The following GRIK1 variants were observed in gnomAD, a reference collection of about 807,000 sequenced individuals.
GRIK1 encodes glutamate receptor ionotropic, kainate 1.
A neutral mutation model predicts 105.7 loss-of-function variants in GRIK1; 69 were observed. The observed-to-expected ratio is 0.65, with a 90% CI of 0.54 to 0.80. GRIK1 has a LOEUF of 0.80. Ranked by LOEUF, GRIK1 falls within the 30% of genes least tolerant of loss-of-function variation. GRIK1 has a pLI of 0.00. For missense variants in GRIK1, 1,109 were observed against 1,167.3 expected (o/e 0.95, Z 0.73); for synonymous variants, 438 against 431.3 (o/e 1.02, Z -0.19).
intron 7 of GRIK1, among the ~76,000 whole-genome samples, chr21:29,601,024 G>T (rs75817045): frequency 0.031 from 4,666 of 152,278 alleles, 83 homozygotes; most frequent in East Asian, 0.09. Flanking sequence ...AACTTGCCTA[G>T]GCCACACGAT....
At chr21:29,538,074 C>T (rs1018302782) in intron 16 of GRIK1, among the ~76,000 whole-genome samples, 190 bp from the exon 17 acceptor site, 1 of 152,116 alleles carries the variant, frequency 6.6e-6, no homozygotes, top group African/African-American at 2.4e-5. Flanking sequence ...AAATGTTCTA[C>T]ATATACAGAC....
chr21:29,780,707 A>G (rs960270776), intron 1 of GRIK1, among the ~76,000 whole-genome samples: 6 of 152,210 alleles, frequency 3.9e-5, no homozygotes, highest in African/African-American at 1.4e-4. Flanking sequence ...CTTGTTTCTG[A>G]TGATTAGATA....
chr21:29,573,710 A>G (rs1568834498), intron 14 of GRIK1, among the ~76,000 whole-genome samples: 1 of 152,114 alleles, frequency 6.6e-6, no homozygotes, highest in Non-Finnish European at 1.5e-5. Context: ...TTAGCCAGGC[A>G]TGGTAGCATG....
chr21:29,907,698 G>A (rs1304861980), intron 1 of GRIK1, among the ~76,000 whole-genome samples: 2 of 152,038 alleles, frequency 1.3e-5, no homozygotes, highest in African/African-American at 4.8e-5. Flanking sequence ...AAAACAGAAA[G>A]CTGAAGGACA....
At chr21:29,803,672 C>T (rs748508720) in intron 1 of GRIK1, among the ~76,000 whole-genome samples, 6 of 152,066 alleles carry the variant, frequency 3.9e-5, no homozygotes, top group Non-Finnish European at 7.4e-5. Flanking sequence ...TCTGTGAATA[C>T]ATGGTTCAGC....
At chr21:29,868,359 A>T (rs2146122940) in intron 1 of GRIK1, among the ~76,000 whole-genome samples, 1 of 152,292 alleles carries the variant, frequency 6.6e-6, no homozygotes, top group East Asian at 1.9e-4. Flanking sequence ...TTACCTTAGA[A>T]ACTGTCATTT....
intron 1 of GRIK1, among the ~76,000 whole-genome samples, chr21:29,849,766 G>A (rs981152007): frequency 2.0e-5 from 3 of 152,176 alleles, no homozygotes; most frequent in African/African-American, 7.2e-5. Flanking sequence ...TTAAAAGCTG[G>A]CACATTTCAA....
chr21:29,537,351 C>T lies in GRIK1; in HGVS notation c.2729G>A (p.Gly910Glu), dbSNP rs766976208. 6.2e-7 allele frequency: 1 copy of T among 1,610,784 alleles called. No individual in the cohort carries two copies. The highest frequency in any genetic ancestry group is 8.5e-7 in the Non-Finnish European group (1 of 1,177,984). The stretch of plus-strand genomic sequence containing the variant: ...TTTTTTCTGATTCTTCAGTGAGATT[C>T]CCAGTTCTTCCATGATAGCGTTGAA... ...LSFNAIMEEL[G>E]ISLKNQKKIK... Residue 910 changes from glycine to glutamate, a missense_variant, in exon 18 of 18, where the codon GGA (glycine) becomes GAA (glutamate). By Grantham distance (98) the Gly-to-Glu change is moderately conservative. Transcript: ENST00000327783.
chr21:29,563,803 T>C (rs1277783889), intron 14 of GRIK1, among the ~76,000 whole-genome samples: 3 of 152,202 alleles, frequency 2.0e-5, no homozygotes, highest in Non-Finnish European at 4.4e-5. Context: ...AAACTGCTAC[T>C]GTCACAGAGG....
At chr21:29,686,154 G>A (rs1368686123) in intron 3 of GRIK1, among the ~76,000 whole-genome samples, 2 of 152,134 alleles carry the variant, frequency 1.3e-5, no homozygotes, top group African/African-American at 2.4e-5. Context: ...TAGGTCTTTG[G>A]TCTTCATTTT....
chr21:29,694,028 T>C lies in GRIK1; in HGVS notation c.154A>G (p.Asn52Asp). Reference protein sequence around the residue: ...IFETVENEPVNVEELAFKFAV... With the variant: ...IFETVENEPVDVEELAFKFAV... The stretch of plus-strand genomic sequence containing the variant: ...AACTTGAAAGCTAATTCTTCAACAT[T>C]AACAGGCTCATTTTCCACTGTTTCA... The change falls in exon 2 of 18, where the codon AAT (asparagine) becomes GAT (aspartate). Residue 52 changes from asparagine (N) to aspartate (D), a missense_variant. Physicochemically the swap from Asn to Asp is conservative, Grantham distance 23. Transcript: ENST00000327783. 1 of 1,612,882 alleles carries C rather than the reference T, an allele frequency of 6.2e-7. No homozygotes were observed. The highest frequency in any genetic ancestry group is 1.7e-5 in the Admixed American group (1 of 59,954).
At chr21:29,671,119 T>G (rs2063152040) in intron 4 of GRIK1, among the ~76,000 whole-genome samples, 1 of 152,010 alleles carries the variant, frequency 6.6e-6, no homozygotes, top group African/African-American at 2.4e-5. Flanking sequence ...AACTTTATTT[T>G]ATTTTATTTT....
intron 1 of GRIK1, among the ~76,000 whole-genome samples, chr21:29,926,602 A>G (rs2071379511): frequency 6.6e-6 from 1 of 151,932 alleles, no homozygotes; most frequent in Non-Finnish European, 1.5e-5. Flanking sequence ...GTTGAACACT[A>G]TTGTTGTTAA....
intron 1 of GRIK1, among the ~76,000 whole-genome samples, chr21:29,830,313 ACACACACACACACAC>A (rs2067592424): frequency 5.2e-5 from 6 of 114,690 alleles, no homozygotes; most frequent in Admixed American, 1.9e-4. Context: ...CTCCCCACAC[ACACACACACACACAC>A]ACACACACAC....
intron 1 of GRIK1, among the ~76,000 whole-genome samples, chr21:29,730,774 C>A (rs114360667): frequency 6.6e-6 from 1 of 152,136 alleles, no homozygotes; most frequent in Non-Finnish European, 1.5e-5. Flanking sequence ...ACCATCATGA[C>A]ATTCATAGCC....
intron 1 of GRIK1, among the ~76,000 whole-genome samples, chr21:29,848,755 G>GTGTGTATATATATATATATATATA (rs773386863): frequency 1.1e-5 from 1 of 91,252 alleles, no homozygotes; most frequent in African/African-American, 4.5e-5. Flanking sequence ...AGTTGTGTGT[G>GTGTGTATATATATATATATATATA]TATATATATA....
chr21:29,639,632 G>A (rs758508063), intron 7 of GRIK1, among the ~76,000 whole-genome samples: 1 of 152,184 alleles, frequency 6.6e-6, no homozygotes, highest in Non-Finnish European at 1.5e-5. Context: ...CTGCTGAAGA[G>A]TGTATGTTTT....
intron 1 of GRIK1, among the ~76,000 whole-genome samples, chr21:29,850,159 A>G (rs536230721): frequency 2.0e-5 from 3 of 152,224 alleles, no homozygotes; most frequent in Non-Finnish European, 4.4e-5. Context: ...TGCTGACAGA[A>G]GATCCTTAAA....
At chr21:29,866,393 C>T (rs565714717) in intron 1 of GRIK1, among the ~76,000 whole-genome samples, 1 of 152,056 alleles carries the variant, frequency 6.6e-6, no homozygotes, top group South Asian at 2.1e-4. Context: ...TTTTTAATTG[C>T]TTTCATTTTT....
Sources: allele counts gnomAD v4.1 joint callset (sites outside exome capture counted in the v4.1 genomes callset), GRCh38; gene constraint gnomAD v4.1.1; transcripts MANE v1.5; gene names NCBI Gene and HGNC (gene_info 2026-07-23, HGNC 2026-07-21).